Variants in RHBDD1 observed in about 807,000 individuals in gnomAD.
The protein encoded by RHBDD1 is rhomboid domain containing 1, also known as rhomboid-related protein 4.
In RHBDD1, 38 loss-of-function variants were observed where a neutral mutation model predicts 36.3. The ratio of observed to expected loss-of-function variants is 1.05; its 90% confidence interval spans 0.81 to 1.37. The LOEUF (loss-of-function observed/expected upper bound fraction) is 1.37, where lower values mean the gene tolerates loss of function less well. Among genes scored for constraint, RHBDD1 ranks in the 40% most tolerant of loss-of-function variants. The pLI is 0.00. For synonymous variants in RHBDD1, 151 were observed against 136.5 expected (o/e 1.11, Z -0.74); for missense variants, 393 against 377.6 (o/e 1.04, Z -0.34).
At chr2:226,823,985 G>A in the RHBDD1 span, among the ~76,000 whole-genome samples, 9 of 152,208 alleles carry the variant, frequency 5.9e-5, no homozygotes, top group South Asian at 2.1e-4. Context: ...ACCTCCCAAC[G>A]CTGTTGCATT....
chr2:226,935,633 T>C (rs1278266622), intron 8 of RHBDD1, among the ~76,000 whole-genome samples: 1 of 116,706 alleles, frequency 8.6e-6, no homozygotes, highest in African/African-American at 3.5e-5. Context: ...ATCTCAGTTT[T>C]ATTTTTTTTT....
chr2:226,852,495 T>C (rs1942904521), intron 3 of RHBDD1, among the ~76,000 whole-genome samples: 1 of 152,032 alleles, frequency 6.6e-6, no homozygotes, highest in Non-Finnish European at 1.5e-5. Context: ...CAGAGAGCTC[T>C]CTTGCTCTCT....
intron 8 of RHBDD1, among the ~76,000 whole-genome samples, chr2:226,955,179 T>C (rs943059680): frequency 6.6e-6 from 1 of 152,086 alleles, no homozygotes; most frequent in African/African-American, 2.4e-5. Flanking sequence ...CTTGATGATA[T>C]CGTCAGGGAG....
At chr2:226,917,096 TTTA>T (rs1227889667) in intron 8 of RHBDD1, among the ~76,000 whole-genome samples, 1 of 152,074 alleles carries the variant, frequency 6.6e-6, no homozygotes, top group Non-Finnish European at 1.5e-5. Context: ...GAAGAATATA[TTTA>T]TTATTAAGTT....
chr2:226,964,989 A>G (rs528425967), intron 8 of RHBDD1, among the ~76,000 whole-genome samples: 15 of 152,326 alleles, frequency 9.8e-5, no homozygotes, highest in African/African-American at 3.1e-4. Flanking sequence ...TGCTGTATTG[A>G]GAATAATTTG....
intron 3 of RHBDD1, among the ~76,000 whole-genome samples, chr2:226,840,770 T>C (rs1461423820): frequency 6.6e-6 from 1 of 152,190 alleles, no homozygotes; most frequent in African/African-American, 2.4e-5. Context: ...AGGATAGTAA[T>C]GAATGAAATA....
intron 5 of RHBDD1, among the ~76,000 whole-genome samples, chr2:226,886,684 A>T (rs1311790645): frequency 6.6e-6 from 1 of 152,220 alleles, no homozygotes. Flanking sequence ...ACGTGAAGAA[A>T]AGGCAAAACA....
intron 8 of RHBDD1, among the ~76,000 whole-genome samples, chr2:226,941,629 T>C (rs911311354): frequency 2.0e-5 from 3 of 152,248 alleles, no homozygotes; most frequent in African/African-American, 4.8e-5. Context: ...TGAGCTCATC[T>C]ATTCTGGTCT....
the RHBDD1 span, among the ~76,000 whole-genome samples, chr2:226,826,517 ATTTTTTT>A: frequency 8.2e-6 from 1 of 122,082 alleles, no homozygotes; most frequent in South Asian, 2.6e-4. Context: ...ATCATGATAG[ATTTTTTT>A]TTTTTTTTTT....
chr2:226,839,059 C>T (rs1475459471), intron 2 of RHBDD1, among the ~76,000 whole-genome samples: 1 of 151,992 alleles, frequency 6.6e-6, no homozygotes, highest in Non-Finnish European at 1.5e-5. Context: ...TTTTAAAACA[C>T]GAATTCTTAA....
At chr2:226,856,049 C>T (rs1943290119) in intron 3 of RHBDD1, among the ~76,000 whole-genome samples, 2 of 152,122 alleles carry the variant, frequency 1.3e-5, no homozygotes. Flanking sequence ...AATAATTATG[C>T]TGTCTAACTA....
Position 226,897,203 on chromosome 2 carries a change from C to T in RHBDD1, c.567-9590C>T, listed in dbSNP as rs567367197. ...ATTCCCACTTCTGAGCATGCTAGCT[C>T]CAGATCCTGCAGTGCCACTTAAATG... On this transcript the variant is annotated intron_variant, in intron 5 of 8. Transcript: ENST00000392062. Among the ~76,000 whole-genome samples, 5 of 152,294 alleles carry T rather than the reference C, an allele frequency of 3.3e-5. No homozygotes were observed. In the East Asian group the frequency reaches 9.6e-4, roughly 29 times the overall value.
At chr2:226,964,677 C>CT (rs377478485) in intron 8 of RHBDD1, among the ~76,000 whole-genome samples, 8 of 152,296 alleles carry the variant, frequency 5.3e-5, no homozygotes, top group African/African-American at 1.9e-4. Flanking sequence ...ATTTATAATT[C>CT]TTTTATACCT....
chr2:226,840,237 T>G (rs1234812548), intron 3 of RHBDD1, among the ~76,000 whole-genome samples: 3 of 152,170 alleles, frequency 2.0e-5, no homozygotes, highest in Non-Finnish European at 4.4e-5. Context: ...CATAGATAAC[T>G]TTGGCTGTTT....
chr2:226,969,611 C>T (rs1291395186), intron 8 of RHBDD1, among the ~76,000 whole-genome samples: 1 of 152,090 alleles, frequency 6.6e-6, no homozygotes. Context: ...AAACGTGAGT[C>T]CCGTTTGACA....
At chr2:226,949,549 T>G (rs1190047992) in intron 8 of RHBDD1, among the ~76,000 whole-genome samples, 1 of 152,204 alleles carries the variant, frequency 6.6e-6, no homozygotes, top group African/African-American at 2.4e-5. Context: ...GTCTATGTAC[T>G]TTATTGTTAC....
chr2:226,977,933 A>G (rs1282821544), intron 8 of RHBDD1, among the ~76,000 whole-genome samples: 1 of 152,252 alleles, frequency 6.6e-6, no homozygotes, highest in Non-Finnish European at 1.5e-5. Flanking sequence ...AGAGTTCACC[A>G]CATCAAAAAG....
intron 8 of RHBDD1, among the ~76,000 whole-genome samples, chr2:226,951,741 CT>C (rs1951437948): frequency 6.6e-6 from 1 of 152,166 alleles, no homozygotes; most frequent in Admixed American, 6.5e-5. Context: ...GGAGAGTGAA[CT>C]TTTATGTAAG....
At chr2:226,929,429 A>G (rs1019784259) in intron 8 of RHBDD1, among the ~76,000 whole-genome samples, 2 of 152,122 alleles carry the variant, frequency 1.3e-5, no homozygotes, top group African/African-American at 4.8e-5. Flanking sequence ...ATGCATAAAA[A>G]GCATTTGCTA....
Sources: gnomAD v4.1 joint callset for allele counts (sites outside exome capture counted in the v4.1 genomes callset) on GRCh38, gnomAD v4.1.1 for gene constraint, MANE v1.5 for transcripts, NCBI Gene and HGNC (gene_info 2026-07-23, HGNC 2026-07-21) for gene names.